GPR12: variants seen among roughly 807,000 people sequenced by gnomAD.
GPR12 encodes the protein G protein-coupled receptor 12, also known as G-protein coupled receptor 12.
Under a neutral mutation model 18.9 loss-of-function variants are expected in GPR12, and 7 were observed. That is an observed-to-expected ratio of 0.37 (90% CI 0.21 to 0.70). The LOEUF is 0.70. GPR12 is among the 30% of genes least tolerant of loss of function. The probability of loss-of-function intolerance (pLI) is 0.54; values close to 1 mark genes in which losing one functional copy is unlikely to be tolerated. For synonymous variants in GPR12, 201 were observed against 188.6 expected (o/e 1.07, Z -0.54); for missense variants, 327 against 427.7 (o/e 0.76, Z 2.08).
Position 26,756,988 on chromosome 13 carries a change from C to T in GPR12, c.*1835G>A, listed in dbSNP as rs1884387336. 2 of 152,170 alleles carry T rather than the reference C, an allele frequency of 1.3e-5. No individual in the cohort carries two copies. Among genetic ancestry groups the T allele is most frequent in the Admixed American group, 6.5e-5 (1 of 15,276 alleles). The allele number at this position is 152,170 out of a possible 1,614,324, so 9.4% of individuals were successfully genotyped here. On this transcript the variant is annotated 3_prime_UTR_variant, in exon 2 of 2. Coordinates refer to ENST00000405846, the MANE Select transcript of GPR12 (RefSeq NM_005288.4). ...AAACGAACAGACTCATCATGTTCAA[C>T]CTACTAACTCCATCAAATGTTCAAA...
In GPR12 at chr13:26,758,817, A is replaced by G; in HGVS notation, c.*6T>C. 2 of 1,594,106 alleles carry G rather than the reference A, an allele frequency of 1.3e-6. No homozygotes were observed. Among genetic ancestry groups the G allele is most frequent in the African/African-American group, 1.3e-5 (1 of 74,688 alleles). ...TAAATGCAGAGTCCTCCTGGGTGCA[A>G]GGGTGCTACACATCACTGGGCGAGC... On this transcript the variant is annotated 3_prime_UTR_variant, in exon 2 of 2. Coordinates refer to ENST00000405846, the MANE Select transcript of GPR12 (RefSeq NM_005288.4).
In GPR12 at chr13:26,755,716, T is replaced by C. The variant is rs992074603; in HGVS notation, c.*3107A>G. 3.3e-5 allele frequency: 5 copies of C among 152,232 alleles called. No homozygotes were observed. Among genetic ancestry groups the C allele is most frequent in the Non-Finnish European group, 7.3e-5 (5 of 68,046 alleles). The allele number at this position is 152,232 out of a possible 1,614,324, so 9.4% of individuals were successfully genotyped here. On this transcript the variant is annotated 3_prime_UTR_variant, in exon 2 of 2. Transcript: ENST00000405846. Reference sequence around the variant, plus strand: ...GAATAAAAGGAAACAAAACCCTAGATAGTCATAACTTCGATGACTAGTTTT... The same window carrying C: ...GAATAAAAGGAAACAAAACCCTAGACAGTCATAACTTCGATGACTAGTTTT...
chr13:26,759,251 G>C lies in GPR12; in HGVS notation c.577C>G (p.Pro193Ala). The C allele has an allele frequency of 6.2e-7, 1 of 1,612,962 alleles. No homozygotes were observed. The highest frequency in any genetic ancestry group is 8.5e-7 in the Non-Finnish European group (1 of 1,179,918). ...RDESTCSVVR[P>A]LTKNNAAILS... ...ATGGCCGCGTTGTTCTTGGTGAGCG[G>C]TCTGACCACGCTGCAGGTGGACTCG... The change falls in exon 2 of 2, where the codon CCG (proline) becomes GCG (alanine). Residue 193 changes from proline to alanine, a missense_variant. Pro to Ala is a conservative substitution (Grantham distance 27). Coordinates refer to ENST00000405846, the MANE Select transcript of GPR12 (RefSeq NM_005288.4).
rs1593161944 is a variant in GPR12, at chr13:26,760,644, A to T, written c.-81T>A. 6.7e-6 allele frequency: 1 copy of T among 150,274 alleles called. No individual in the cohort carries two copies. The highest frequency in any genetic ancestry group is 2.1e-4 in the South Asian group (1 of 4,800). The allele number at this position is 150,274 out of a possible 1,614,324, so 9.3% of individuals were successfully genotyped here. ...GAAGCGCGTGGGCTACTCGTGTCGC[A>T]TGTCGGCGCAGTTGCCCGCTGTGGC... On this transcript the variant is annotated 5_prime_UTR_variant, in exon 1 of 2. It removes an upstream start codon present in the reference 5' UTR. Coordinates refer to ENST00000405846, the MANE Select transcript of GPR12 (RefSeq NM_005288.4).
chr13:26,758,646 CATT>C lies in GPR12; in HGVS notation c.*174_*176del, dbSNP rs897978652. Reference sequence around the variant, plus strand: ...TTTTTAATGGTGAAAACACTGGTAACATTATTTTCACTTCAATCACTTAACTCA... The same window carrying C: ...TTTTTAATGGTGAAAACACTGGTAACATTTTCACTTCAATCACTTAACTCA... On this transcript the variant is annotated 3_prime_UTR_variant, in exon 2 of 2. Coordinates refer to ENST00000405846, the MANE Select transcript of GPR12 (RefSeq NM_005288.4). The C allele has an allele frequency of 2.8e-5, 27 of 962,760 alleles. No individual in the cohort carries two copies. The highest frequency in any genetic ancestry group is 3.7e-5 in the Non-Finnish European group (25 of 681,386). 59.6% of individuals were successfully genotyped at this position (962,760 alleles called of 1,614,324 possible).
At position 26,759,610 on chromosome 13, in the gene GPR12, G is replaced by A; in HGVS notation, c.218C>T (p.Pro73Leu). The change falls in exon 2 of 2, where the codon CCC becomes CTC. Residue 73 changes from proline (P) to leucine (L), a missense_variant. Physicochemically the swap from Pro to Leu is moderately conservative, Grantham distance 98. Transcript: ENST00000405846. ...CAGGAACATGGGTGCTCGCAGGCTG[G>A]GGTTGTGGAAGATGATAAGGACCAC... ...AIVVLIIFHNPSLRAPMFLLI... is the reference protein window; with the variant it reads ...AIVVLIIFHNLSLRAPMFLLI... The A allele has an allele frequency of 6.2e-7, 1 of 1,614,174 alleles. No homozygotes were observed. Among genetic ancestry groups the A allele is most frequent in the Non-Finnish European group, 8.5e-7 (1 of 1,180,048 alleles).
At position 26,759,792 on chromosome 13, in the gene GPR12, C is replaced by T. The variant is rs774649635; in HGVS notation, c.36G>A (p.Leu12=). ...NEDLKVNLSG[L]PRDYLDAAAA... ...CAGCGGCATCTAAATAATCCCGAGGCAGCCCGCTTAAATTGACCTTCAGGT... is the reference window on the plus strand; with the variant it reads ...CAGCGGCATCTAAATAATCCCGAGGTAGCCCGCTTAAATTGACCTTCAGGT... The change falls in exon 2 of 2, where the codon CTG becomes CTA. Residue 12 remains leucine (L), a synonymous_variant. Coordinates refer to ENST00000405846, the MANE Select transcript of GPR12 (RefSeq NM_005288.4). The T allele has an allele frequency of 6.3e-7, 1 of 1,598,110 alleles. No individual in the cohort carries two copies. Among genetic ancestry groups the T allele is most frequent in the Non-Finnish European group, 8.6e-7 (1 of 1,168,230 alleles).
rs1434913550 is a variant in GPR12 at position 26,759,620 on chromosome 13, AGAT to A, written c.205_207del (p.Ile69del). 1 of 1,614,162 alleles carries A rather than the reference AGAT, an allele frequency of 6.2e-7. No homozygotes were observed. Among genetic ancestry groups the A allele is most frequent in the Non-Finnish European group, 8.5e-7 (1 of 1,180,010 alleles). Reference sequence around the variant, plus strand: ...GGTGCTCGCAGGCTGGGGTTGTGGAAGATGATAAGGACCACAATGGCATTTTCA... The same window carrying A: ...GGTGCTCGCAGGCTGGGGTTGTGGAAGATAAGGACCACAATGGCATTTTCA... On this transcript the variant is annotated inframe_deletion, in exon 2 of 2. Transcript: ENST00000405846.
rs1884442220 is a variant in GPR12, at chr13:26,759,536, T to G, written c.292A>C (p.Ile98Leu). ...LADLLAGIGL[I>L]TNFVFAYLLQ... ...AGGTAGGCAAAAACAAAATTGGTGA[T>G]GAGTCCAATGCCGGCCAGCAGGTCT... Residue 98 changes from isoleucine to leucine, a missense_variant, in exon 2 of 2, where the codon ATC becomes CTC. By Grantham distance (5) the Ile-to-Leu change is conservative. Coordinates refer to ENST00000405846, the MANE Select transcript of GPR12 (RefSeq NM_005288.4). The G allele has an allele frequency of 6.2e-7, 1 of 1,614,012 alleles. No individual in the cohort carries two copies. Among genetic ancestry groups the G allele is most frequent in the African/African-American group, 1.3e-5 (1 of 74,888 alleles).
At position 26,758,699 on chromosome 13, in the gene GPR12, A is replaced by G. The variant is rs1927522; in HGVS notation, c.*124T>C. 1,178,999 of 1,347,154 alleles carry G rather than the reference A, an allele frequency of 0.88. 516,939 individuals are homozygous for G. The highest frequency in any genetic ancestry group is 0.98 in the East Asian group (39,347 of 40,214). 83.5% of individuals were successfully genotyped at this position (1,347,154 alleles called of 1,614,324 possible). A position where few individuals can be genotyped will look rare whatever the true frequency, so the allele number is the denominator to read the frequency against. ...ATCTGAACGATGTCATTGTTTCACGAATGCTAAGTGCTCCTGTGGCTTGAG... is the reference window on the plus strand; with the variant it reads ...ATCTGAACGATGTCATTGTTTCACGGATGCTAAGTGCTCCTGTGGCTTGAG... On this transcript the variant is annotated 3_prime_UTR_variant, in exon 2 of 2. Transcript: ENST00000405846.
Position 26,759,231 on chromosome 13 carries a change from C to T in GPR12, c.597G>A (p.Ala199=), listed in dbSNP as rs775104232. The T allele has an allele frequency of 6.2e-7, 1 of 1,612,600 alleles. No individual in the cohort carries two copies. Among genetic ancestry groups the T allele is most frequent in the Non-Finnish European group, 8.5e-7 (1 of 1,179,884 alleles). Residue 199 remains alanine (A), a synonymous_variant, in exon 2 of 2, where the codon GCG becomes GCA. Transcript: ENST00000405846. ...SVVRPLTKNN[A]AILSVSFLFM... is the part of the protein sequence containing the mutation. ...AGAGGAAGGACACCGAGAGGATGGC[C>T]GCGTTGTTCTTGGTGAGCGGTCTGA...
At chr13:26,760,392 CG>C in intron 1 of GPR12, 186 bp downstream of exon 1, 1 of 156,910 alleles carries the variant, frequency 6.4e-6, no homozygotes, top group Non-Finnish European at 1.5e-5. Context: ...CCCGTGCGCA[CG>C]GGGCAGTCGG....
In GPR12 at chr13:26,759,746, C is replaced by G. The variant is rs1410626956; in HGVS notation, c.82G>C (p.Ala28Pro). 1.1e-5 allele frequency: 18 copies of G among 1,612,916 alleles called. No individual in the cohort carries two copies. Among genetic ancestry groups the G allele is most frequent in the African/African-American group, 2.7e-5 (2 of 74,862 alleles). The change falls in exon 2 of 2, where the codon GCT becomes CCT. Residue 28 changes from alanine (A) to proline (P), a missense_variant. By Grantham distance (27) the Ala-to-Pro change is conservative. Coordinates refer to ENST00000405846, the MANE Select transcript of GPR12 (RefSeq NM_005288.4). ...DAAAAENISA[A>P]VSSRVPAVEP... ...ACGGCAGGAACCCGGGAGGAGACAG[C>G]AGCCGAGATGTTCTCCGCAGCAGCG...
chr13:26,757,245 G>A lies in GPR12; in HGVS notation c.*1578C>T, dbSNP rs1341960096. 3 of 152,042 alleles carry A rather than the reference G, an allele frequency of 2.0e-5. No individual in the cohort carries two copies. The East Asian group carries it at 5.8e-4, about 29-fold the overall frequency. 9.4% of individuals were successfully genotyped at this position (152,042 alleles called of 1,614,324 possible). ...CCAGAATGGTCTTGAGAGCACCCTG[G>A]GCATCACATCTGGGACAAACCGATG... On this transcript the variant is annotated 3_prime_UTR_variant, in exon 2 of 2. Coordinates refer to ENST00000405846, the MANE Select transcript of GPR12 (RefSeq NM_005288.4).
chr13:26,759,451 G>A lies in GPR12; in HGVS notation c.377C>T (p.Ala126Val), dbSNP rs1180303269. The A allele has an allele frequency of 6.2e-7, 1 of 1,614,194 alleles. No homozygotes were observed. Among genetic ancestry groups the A allele is most frequent in the South Asian group, 1.1e-5 (1 of 91,074 alleles). The change falls in exon 2 of 2, where the codon GCC becomes GTC. Residue 126 changes from alanine (A) to valine (V), a missense_variant. Coordinates refer to ENST00000405846, the MANE Select transcript of GPR12 (RefSeq NM_005288.4). The stretch of plus-strand genomic sequence containing the variant: ...GATAGCCAGCAAGCTGCAGACAGAG[G>A]CAGAGAAAGAGGCGACAATGAGGCC... ...TIGLIVASFS[A>V]SVCSLLAITV...
chr13:26,758,722 G>C lies in GPR12; in HGVS notation c.*101C>G. 1 of 1,467,444 alleles carries C rather than the reference G, an allele frequency of 6.8e-7. No individual in the cohort carries two copies. Among genetic ancestry groups the C allele is most frequent in the Non-Finnish European group, 9.0e-7 (1 of 1,108,094 alleles). 90.9% of individuals were successfully genotyped at this position (1,467,444 alleles called of 1,614,324 possible). ...CGAATGCTAAGTGCTCCTGTGGCTT[G>C]AGAGGGAATCCAATGCAAGGAATTC... On this transcript the variant is annotated 3_prime_UTR_variant, in exon 2 of 2. Transcript: ENST00000405846.
chr13:26,759,327 G>A lies in GPR12; in HGVS notation c.501C>T (p.Thr167=). 1.2e-6 allele frequency: 2 copies of A among 1,613,408 alleles called. No homozygotes were observed. The highest frequency in any genetic ancestry group is 1.7e-6 in the Non-Finnish European group (2 of 1,180,022). Reference sequence around the variant, plus strand: ...CGGGCAGCAGCCCCAGGCAGATGGAGGTCCCCCAGAGCATGACGAGCATGA... The same window carrying A: ...CGGGCAGCAGCCCCAGGCAGATGGAAGTCCCCCAGAGCATGACGAGCATGA... ...TYVMLVMLWG[T]SICLGLLPVM... The change falls in exon 2 of 2, where the codon ACC becomes ACT. Residue 167 remains threonine, a synonymous_variant. Coordinates refer to ENST00000405846, the MANE Select transcript of GPR12 (RefSeq NM_005288.4).
Position 26,756,627 on chromosome 13 carries a change from G to C in GPR12, c.*2196C>G, listed in dbSNP as rs1286677371. 1 of 152,210 alleles carries C rather than the reference G, an allele frequency of 6.6e-6. No individual in the cohort carries two copies. The highest frequency in any genetic ancestry group is 2.4e-5 in the African/African-American group (1 of 41,456). 9.4% of individuals were successfully genotyped at this position (152,210 alleles called of 1,614,324 possible). A position where few individuals can be genotyped will look rare whatever the true frequency, so the allele number is the denominator to read the frequency against. ...CAAGACTTAGACTTTGGAAAAGCTGGCTTCAAATTCTGACTCTATCCTTGT... is the reference window on the plus strand; with the variant it reads ...CAAGACTTAGACTTTGGAAAAGCTGCCTTCAAATTCTGACTCTATCCTTGT... On this transcript the variant is annotated 3_prime_UTR_variant, in exon 2 of 2. Transcript: ENST00000405846.
Position 26,758,532 on chromosome 13 carries a change from C to T in GPR12, c.*291G>A. The T allele has an allele frequency of 2.8e-6, 1 of 356,360 alleles. No individual in the cohort carries two copies. 22.1% of individuals were successfully genotyped at this position (356,360 alleles called of 1,614,324 possible). A position where few individuals can be genotyped will look rare whatever the true frequency, so the allele number is the denominator to read the frequency against. ...GCGTATCATATCCCTTCCTTTCCTA[C>T]CCCCAGTCAGCCCTCCAAACAAAGT... On this transcript the variant is annotated 3_prime_UTR_variant, in exon 2 of 2. Transcript: ENST00000405846.
Sources: allele counts gnomAD v4.1 joint callset, GRCh38; gene constraint gnomAD v4.1.1; transcripts MANE v1.5; gene names NCBI Gene and HGNC (gene_info 2026-07-23, HGNC 2026-07-21).